The following TEX9 variants were observed in gnomAD, a reference collection of about 807,000 sequenced individuals.
The protein encoded by TEX9 is testis expressed 9, also known as testis-expressed protein 9.
Under a neutral mutation model 59.6 loss-of-function variants are expected in TEX9, and 74 were observed. The ratio of observed to expected loss-of-function variants is 1.24; its 90% CI spans 1.03 to 1.51. The LOEUF is 1.51. Among genes scored for constraint, TEX9 ranks in the 40% most tolerant of loss-of-function variants. The pLI is 0.00. For missense variants in TEX9, 522 were observed against 447.8 expected, an observed-to-expected ratio of 1.17 and a Z score of -1.49; for synonymous variants, 186 against 152.2, an observed-to-expected ratio of 1.22 and a Z score of -1.64.
intron 1 of TEX9, among the ~76,000 whole-genome samples, chr15:56,263,104 AC>A (rs2044304191): frequency 6.6e-6 from 1 of 151,992 alleles, no homozygotes; most frequent in Non-Finnish European, 1.5e-5. Context: ...GCTCACTGCA[AC>A]CTCTGCCTCC....
chr15:56,318,059 A>G (rs1419079934), intron 1 of TEX9, among the ~76,000 whole-genome samples: 3 of 152,118 alleles, frequency 2.0e-5, no homozygotes, highest in African/African-American at 4.8e-5. Context: ...GGTTCTATCC[A>G]TTATTGAAAC....
chr15:56,356,186 G>A (rs187247154), intron 1 of TEX9, among the ~76,000 whole-genome samples: 70 of 152,246 alleles, frequency 4.6e-4, no homozygotes, highest in Non-Finnish European at 9.0e-4. Flanking sequence ...AGTGATGACA[G>A]TGGAAATGCC....
intron 10 of TEX9, 108 bp downstream of exon 10, chr15:56,412,544 C>T: frequency 8.2e-7 from 1 of 1,220,066 alleles, no homozygotes; most frequent in East Asian, 2.5e-5. Flanking sequence ...TCATGCTGAA[C>T]ATTTCTCTTT....
intron 1 of TEX9, among the ~76,000 whole-genome samples, chr15:56,270,628 A>G (rs1352226092): frequency 6.6e-6 from 1 of 152,160 alleles, no homozygotes; most frequent in African/African-American, 2.4e-5. Flanking sequence ...CATTTAGCCT[A>G]TTTACATTTA....
chr15:56,452,448 C>T, the TEX9 span, among the ~76,000 whole-genome samples: 1 of 151,974 alleles, frequency 6.6e-6, no homozygotes, highest in African/African-American at 2.4e-5. Context: ...CTACTTAGAA[C>T]GTACCAATAT....
At chr15:56,253,768 G>A (rs2044083097) in intron 1 of TEX9, among the ~76,000 whole-genome samples, 1 of 151,990 alleles carries the variant, frequency 6.6e-6, no homozygotes, top group Non-Finnish European at 1.5e-5. Context: ...AATGTATAAG[G>A]TGGAAAAAGT....
At chr15:56,286,904 A>T (rs1412190124) in intron 1 of TEX9, among the ~76,000 whole-genome samples, 1 of 152,044 alleles carries the variant, frequency 6.6e-6, no homozygotes, top group Non-Finnish European at 1.5e-5. Flanking sequence ...TTTCACTAAT[A>T]TTTCTACTGA....
chr15:56,367,642 A>C (rs141080147), intron 2 of TEX9, among the ~76,000 whole-genome samples: 1 of 152,188 alleles, frequency 6.6e-6, no homozygotes, highest in Non-Finnish European at 1.5e-5. Flanking sequence ...TTACAGATTA[A>C]TTTGTAGAGA....
intron 4 of TEX9, among the ~76,000 whole-genome samples, chr15:56,384,404 C>T (rs1262473945): frequency 6.6e-6 from 1 of 152,142 alleles, no homozygotes; most frequent in Non-Finnish European, 1.5e-5. Context: ...CAAGCCAAAA[C>T]AGACAAAAAT....
rs11440856 is a variant in TEX9, at chr15:56,249,742, CAAAAAAA to C, written c.-107+5484_-107+5490del. ...TGGGCGACACAGTGAGGATCTGTCTCAAAAAAAAAAAAAAAAAAAAAAAAAAGAGGAA... is the reference window on the plus strand; with the variant it reads ...TGGGCGACACAGTGAGGATCTGTCTCAAAAAAAAAAAAAAAAAAAGAGGAA... On this transcript the variant is annotated intron_variant, in intron 1 of 5. Coordinates refer to the TEX9 transcript ENST00000560827. 1.1e-3 allele frequency among the ~76,000 whole-genome samples: 28 copies of C among 25,472 alleles called. No individual in the cohort carries two copies. In the South Asian group the frequency reaches 0.019, roughly 17 times the overall value. The allele number at this position is 25,472 out of a possible 152,430, so 16.7% of individuals were successfully genotyped here.
At chr15:56,442,897 GGAAAGA>G (rs1289492841) in intron 12 of TEX9, among the ~76,000 whole-genome samples, 1 of 151,006 alleles carries the variant, frequency 6.6e-6, no homozygotes, top group Non-Finnish European at 1.5e-5. Context: ...AGTAAAAGTT[GGAAAGA>G]GAAAAAGAAA....
the TEX9 span, among the ~76,000 whole-genome samples, chr15:56,459,119 C>T: frequency 2.6e-5 from 4 of 152,204 alleles, no homozygotes; most frequent in African/African-American, 9.6e-5. Context: ...ATTCCTCTCA[C>T]CTTTTCCCCC....
In TEX9 at chr15:56,299,768, T is replaced by C. The variant is rs140683100; in HGVS notation, c.-107+55490T>C. On this transcript the variant is annotated intron_variant, in intron 1 of 5. Transcript: ENST00000560827. ...CCAGGCCCTTGCTCCAAAATGACAT[T>C]TCTAGACACGCCCTGAGCCAGAAGA... Among the ~76,000 whole-genome samples, 403 of 152,190 alleles carry C rather than the reference T, an allele frequency of 2.6e-3. 4 individuals carry two copies. The highest frequency in any genetic ancestry group is 9.2e-3 in the African/African-American group (383 of 41,518).
At chr15:56,354,033 T>C (rs2046636234) in intron 1 of TEX9, among the ~76,000 whole-genome samples, 1 of 152,236 alleles carries the variant, frequency 6.6e-6, no homozygotes, top group Admixed American at 6.5e-5. Context: ...AGGTAATATG[T>C]GTTATTTGTA....
chr15:56,333,421 GATA>G (rs2046196328), intron 1 of TEX9, among the ~76,000 whole-genome samples: 1 of 148,604 alleles, frequency 6.7e-6, no homozygotes, highest in South Asian at 2.1e-4. Flanking sequence ...AAAACCATAT[GATA>G]ATTTTAATTG....
chr15:56,314,714 T>C (rs2045711485), intron 1 of TEX9, among the ~76,000 whole-genome samples: 1 of 151,994 alleles, frequency 6.6e-6, no homozygotes, highest in Non-Finnish European at 1.5e-5. Context: ...TTGTTGACTT[T>C]CTGTCTCGTT....
intron 4 of TEX9, among the ~76,000 whole-genome samples, chr15:56,385,066 C>T (rs566747623): frequency 1.3e-4 from 20 of 152,160 alleles, no homozygotes; most frequent in Non-Finnish European, 2.2e-4. Flanking sequence ...TTCTTTTGCA[C>T]ATGGATAGCC....
intron 1 of TEX9, among the ~76,000 whole-genome samples, chr15:56,266,903 A>T (rs8038857): frequency 5.3e-5 from 8 of 152,148 alleles, no homozygotes; most frequent in Admixed American, 2.0e-4. Context: ...ATTGCCACAC[A>T]GTCGTCCATA....
rs373011578 is a variant in TEX9, at chr15:56,333,082, A to G, written c.-106-40359A>G. 1.6e-4 allele frequency among the ~76,000 whole-genome samples: 24 copies of G among 152,320 alleles called. No homozygotes were observed. In the East Asian group the frequency reaches 1.7e-3, roughly 11 times the overall value. ...CTTGATGGCTTTTTTGCTGAATTCCACCAAACATTTAAAGAAGAAGTAATA... is the reference window on the plus strand; with the variant it reads ...CTTGATGGCTTTTTTGCTGAATTCCGCCAAACATTTAAAGAAGAAGTAATA... On this transcript the variant is annotated intron_variant, in intron 1 of 5. Coordinates refer to the TEX9 transcript ENST00000560827.
Sources: allele counts gnomAD v4.1 joint callset (sites outside exome capture counted in the v4.1 genomes callset), GRCh38; gene constraint gnomAD v4.1.1; transcripts MANE v1.5; gene names NCBI Gene and HGNC (gene_info 2026-07-23, HGNC 2026-07-21).